Variants in VCAN observed in about 807,000 individuals in gnomAD.
The protein encoded by VCAN is versican.
Under a neutral mutation model 245.5 loss-of-function variants are expected in VCAN, and 44 were observed. The ratio of observed to expected loss-of-function variants is 0.18; its 90% confidence interval spans 0.14 to 0.23. The LOEUF (loss-of-function observed/expected upper bound fraction) is 0.23, where lower values mean the gene tolerates loss of function less well. Among genes scored for constraint, VCAN ranks in the 10% least tolerant of loss-of-function variants. The pLI is 1.00. For synonymous variants in VCAN, 1,413 were observed against 1,437.0 expected (o/e 0.98, Z 0.38); for missense variants, 3,793 against 4,057.9 (o/e 0.93, Z 1.77).
Position 83,483,539 on chromosome 5 carries a change from C to A in VCAN, c.21C>A (p.Ser7Arg), listed in dbSNP as rs1173061956. Reference sequence around the variant, plus strand: ...CCAAGATGTTCATAAATATAAAGAGCATCTTATGGATGTGTTCAACCTTAA... The same window carrying A: ...CCAAGATGTTCATAAATATAAAGAGAATCTTATGGATGTGTTCAACCTTAA... The part of the protein sequence containing the change: MFINIK[S>R]ILWMCSTLIV... The change falls in exon 2 of 15, where the codon AGC becomes AGA. Residue 7 changes from serine (S) to arginine (R), a missense_variant. Physicochemically the swap from Ser to Arg is moderately radical, Grantham distance 110. Coordinates refer to ENST00000265077, the MANE Select transcript of VCAN (RefSeq NM_004385.5). 6.2e-7 allele frequency: 1 copy of A among 1,613,414 alleles called. No individual in the cohort carries two copies. The highest frequency in any genetic ancestry group is 8.5e-7 in the Non-Finnish European group (1 of 1,179,584).
chr5:83,521,226 C>A lies in VCAN; in HGVS notation c.2920C>A (p.Pro974Thr), dbSNP rs780733069. Residue 974 changes from proline to threonine, a missense_variant, in exon 7 of 15, where the codon CCT (proline) becomes ACT (threonine). Around this residue, in one of 5 missense-constraint regions of VCAN, gnomAD observed 3,182 missense variants for 3,250.3 expected, o/e 0.98. Transcript: ENST00000265077. ...TTATGTAGACTCTTCCCATACCATT[C>A]CTCTTTCTGTAATTCCCAAGACAGA... The part of the protein sequence containing the change: ...TTYVDSSHTI[P>T]LSVIPKTDWG... 4.6e-5 allele frequency: 74 copies of A among 1,613,890 alleles called. No homozygotes were observed. Among genetic ancestry groups the A allele is most frequent in the Non-Finnish European group, 5.8e-5 (69 of 1,179,892 alleles).
intron 7 of VCAN, among the ~76,000 whole-genome samples, chr5:83,529,558 G>T (rs1216431756): frequency 6.6e-6 from 1 of 152,128 alleles, no homozygotes; most frequent in Admixed American, 6.5e-5. Flanking sequence ...AAAAGGACTT[G>T]AGTACCATGG....
At chr5:83,522,798 A>G (rs1746157603) in intron 7 of VCAN, among the ~76,000 whole-genome samples, 1 of 152,196 alleles carries the variant, frequency 6.6e-6, no homozygotes, top group African/African-American at 2.4e-5. Flanking sequence ...TTACAGGTTT[A>G]TTATATGACT....
intron 5 of VCAN, among the ~76,000 whole-genome samples, chr5:83,509,112 A>G (rs1020840846): frequency 3.9e-5 from 6 of 152,036 alleles, no homozygotes; most frequent in African/African-American, 1.2e-4. Context: ...AAGGAAGGAA[A>G]GAAAGAAAGA....
At chr5:83,522,394 C>A in intron 7 of VCAN, 85 bp downstream of exon 7, 1 of 1,391,296 alleles carries the variant, frequency 7.2e-7, no homozygotes, top group East Asian at 2.3e-5. Flanking sequence ...AGTCAACATA[C>A]CAAATGCTGC....
In VCAN at chr5:83,515,964, C is replaced by G. The variant is rs190135101; in HGVS notation, c.1043-3385C>G. 6.1e-4 allele frequency among the ~76,000 whole-genome samples: 93 copies of G among 152,268 alleles called. 2 individuals carry two copies. Among genetic ancestry groups the G allele is most frequent in the South Asian group, 1.2e-3 (6 of 4,824 alleles). ...ATAGTTTGAATTGGCCGGGCGCGGTCGCTCACGCCTGTAATCCCAGCATTT... is the reference window on the plus strand; with the variant it reads ...ATAGTTTGAATTGGCCGGGCGCGGTGGCTCACGCCTGTAATCCCAGCATTT... On this transcript the variant is annotated intron_variant, in intron 6 of 14. Transcript: ENST00000265077.
intron 7 of VCAN, chr5:83,535,679 A>C (rs914421646): frequency 6.6e-6 from 1 of 152,160 alleles, no homozygotes; most frequent in African/African-American, 2.4e-5. Flanking sequence ...TTCTTGCAAC[A>C]GGAACAATTC....
rs1746934433 is a variant in VCAN at position 83,540,596 on chromosome 5, C to T, written c.7593C>T (p.Thr2531=). Residue 2531 remains threonine, a synonymous_variant, in exon 8 of 15, where the codon ACC becomes ACT. Transcript: ENST00000265077. ...GTTTCAGGGAATTCGAGGATTCCAC[C>T]TTAAAACCTAACAGAAAAAAACCCA... ...QDRFREFEDS[T]LKPNRKKPTE... 2.5e-6 allele frequency: 4 copies of T among 1,613,740 alleles called. No homozygotes were observed. The highest frequency in any genetic ancestry group is 2.2e-5 in the South Asian group (2 of 91,064).
chr5:83,512,490 T>C, intron 6 of VCAN, 94 bp downstream of exon 6: 1 of 1,420,054 alleles, frequency 7.0e-7, no homozygotes, highest in Non-Finnish European at 9.6e-7. Context: ...GTGGATTCCA[T>C]GTCTTGCAGT....
chr5:83,521,471 T>G lies in VCAN; in HGVS notation c.3165T>G (p.Thr1055=). The G allele has an allele frequency of 6.2e-7, 1 of 1,614,034 alleles. No individual in the cohort carries two copies. Residue 1055 remains threonine (T), a synonymous_variant, in exon 7 of 15, where the codon ACT becomes ACG. Transcript: ENST00000265077. ...CTGCTCTCAGTTCTACAGCTTGGAC[T>G]CCCAAGGAGGCAGTAACACCACTGG... ...PVPALSSTAW[T]PKEAVTPLDE... is the part of the protein sequence containing the mutation.
In VCAN at chr5:83,538,633, C is replaced by T; in HGVS notation, c.5630C>T (p.Thr1877Ile). 1 of 1,614,106 alleles carries T rather than the reference C, an allele frequency of 6.2e-7. No homozygotes were observed. The highest frequency in any genetic ancestry group is 8.5e-7 in the Non-Finnish European group (1 of 1,179,962). The change falls in exon 8 of 15, where the codon ACA (threonine) becomes ATA (isoleucine). Residue 1877 changes from threonine to isoleucine, a missense_variant. By Grantham distance (89) the Thr-to-Ile change is moderately conservative. Coordinates refer to ENST00000265077, the MANE Select transcript of VCAN (RefSeq NM_004385.5). The part of the protein sequence containing the change: ...AGTLSPHVET[T>I]FSTEPTGLVL... ...ACTTTGTCTCCGCATGTGGAAACTA[C>T]ATTCTCCACTGAGCCAACAGGACTG...
rs186407896 is a variant in VCAN, at chr5:83,490,492, C to A, written c.445+20C>A. On this transcript the variant is annotated intron_variant, in intron 3 of 14. Coordinates refer to ENST00000265077, the MANE Select transcript of VCAN (RefSeq NM_004385.5). ...TGGATGGTAAGGCTTTTATTATCTG[C>A]AAGAAGGTAGTATAACATGACACCT... 4 of 1,613,174 alleles carry A rather than the reference C, an allele frequency of 2.5e-6. No homozygotes were observed. In the Admixed American group the frequency reaches 6.7e-5, roughly 27 times the overall value.
chr5:83,492,576 C>G (rs1278114812), intron 3 of VCAN, among the ~76,000 whole-genome samples: 3 of 152,160 alleles, frequency 2.0e-5, no homozygotes, highest in South Asian at 2.1e-4. Context: ...AGCTCCACCC[C>G]CTTGCTTGCT....
At chr5:83,553,285 T>A in intron 10 of VCAN, 79 bp from the exon 11 acceptor site, 1 of 1,579,212 alleles carries the variant, frequency 6.3e-7, no homozygotes, top group South Asian at 1.1e-5. Flanking sequence ...GGCTTGGGTA[T>A]CCTACTAACA....
chr5:83,537,312 G>T lies in VCAN; in HGVS notation c.4309G>T (p.Val1437Phe). The change falls in exon 8 of 15, where the codon GTT becomes TTT. Residue 1437 changes from valine (V) to phenylalanine (F), a missense_variant. This residue lies in a region of VCAN where 3,182 missense variants were observed against 3,250.3 expected (regional missense o/e 0.98). Transcript: ENST00000265077. Reference protein sequence around the residue: ...AEARRGQFESVAPSQNFSDSS... With the variant: ...AEARRGQFESFAPSQNFSDSS... ...AGCTAGGCGTGGCCAGTTTGAAAGT[G>T]TTGCACCTTCTCAGAATTTCTCGGA... 1 of 1,613,986 alleles carries T rather than the reference G, an allele frequency of 6.2e-7. No individual in the cohort carries two copies. Among genetic ancestry groups the T allele is most frequent in the South Asian group, 1.1e-5 (1 of 91,086 alleles).
intron 5 of VCAN, among the ~76,000 whole-genome samples, chr5:83,507,984 C>T (rs1019828425): frequency 6.6e-6 from 1 of 152,064 alleles, no homozygotes; most frequent in East Asian, 1.9e-4. Flanking sequence ...TGGAGAAAGC[C>T]TGTTGCTATC....
intron 12 of VCAN, among the ~76,000 whole-genome samples, chr5:83,561,370 T>TA (rs544638898): frequency 1.9e-4 from 28 of 149,670 alleles, no homozygotes; most frequent in Middle Eastern, 3.4e-3. Context: ...TGATATAAAC[T>TA]AAAAAAAAAA....
intron 13 of VCAN, 109 bp downstream of exon 13, chr5:83,572,669 C>T: frequency 7.4e-7 from 1 of 1,357,706 alleles, no homozygotes; most frequent in South Asian, 1.2e-5. Context: ...CTGGATATGT[C>T]CATGTATGTC....
intron 5 of VCAN, among the ~76,000 whole-genome samples, chr5:83,509,092 A>AGAAG (rs10536505): frequency 1.3e-5 from 2 of 151,596 alleles, no homozygotes; most frequent in South Asian, 4.2e-4. Flanking sequence ...AGAGAAAGAA[A>AGAAG]GAAGGAAGGA....
Sources: allele counts gnomAD v4.1 joint callset (sites outside exome capture counted in the v4.1 genomes callset), GRCh38; gene constraint gnomAD v4.1.1; regional missense constraint gnomAD v4.1.1; transcripts MANE v1.5; gene names NCBI Gene and HGNC (gene_info 2026-07-23, HGNC 2026-07-21).